The following AGL variants were observed in gnomAD, a reference collection of about 807,000 sequenced individuals.
The protein encoded by AGL is glycogen debranching enzyme.
In AGL, 128 loss-of-function variants were observed where a neutral mutation model predicts 199.3. The ratio of observed to expected loss-of-function variants is 0.64; its 90% CI spans 0.56 to 0.74. AGL has a LOEUF of 0.74. AGL is among the 30% of genes least tolerant of loss of function. The pLI, the probability that AGL is intolerant of heterozygous loss-of-function variation, is 0.00. For missense variants in AGL, 1,809 were observed against 1,820.8 expected (o/e 0.99, Z 0.12); for synonymous variants, 584 against 594.7 (o/e 0.98, Z 0.26).
intron 33 of AGL, 80 bp downstream of exon 33, chr1:99,916,811 G>T (rs1180994325): frequency 6.7e-7 from 1 of 1,502,964 alleles, no homozygotes; most frequent in African/African-American, 1.4e-5. Flanking sequence ...CAGTTTCTTA[G>T]AATTGATTTC....
intron 2 of AGL, chr1:99,861,108 C>T: frequency 2.2e-6 from 2 of 916,474 alleles, no homozygotes; most frequent in Non-Finnish European, 2.7e-6. Flanking sequence ...AACTAGCTTT[C>T]TCTGTTGCAG....
intron 7 of AGL, among the ~76,000 whole-genome samples, chr1:99,871,688 G>GT (rs1651030499): frequency 6.6e-6 from 1 of 152,060 alleles, no homozygotes; most frequent in African/African-American, 2.4e-5. Context: ...TTGCAATTGT[G>GT]TAACACCTTA....
chr1:99,906,288 A>G (rs1223394231), intron 27 of AGL, among the ~76,000 whole-genome samples: 2 of 152,330 alleles, frequency 1.3e-5, no homozygotes, highest in East Asian at 1.9e-4. Context: ...TTATCAATAC[A>G]TAAGAGTTGT....
Position 99,875,388 on chromosome 1 carries a change from T to G in AGL, c.1216T>G (p.Tyr406Asp). The G allele has an allele frequency of 6.2e-7, 1 of 1,614,186 alleles. No homozygotes were observed. The highest frequency in any genetic ancestry group is 8.5e-7 in the Non-Finnish European group (1 of 1,180,022). ...AVNCLLGNVF[Y>D]ERLAGHGPKL... is the part of the protein sequence containing the mutation. ...TAATTGCCTTTTGGGAAATGTGTTT[T>G]ATGAACGACTGGCTGGCCATGGTCC... The change falls in exon 10 of 34, where the codon TAT (tyrosine) becomes GAT (aspartate). Residue 406 changes from tyrosine (Y) to aspartate (D), a missense_variant. Transcript: ENST00000361915.
intron 17 of AGL, among the ~76,000 whole-genome samples, chr1:99,883,629 A>C (rs1018078793): frequency 1.6e-4 from 24 of 152,150 alleles, no homozygotes; most frequent in Non-Finnish European, 2.4e-4. Context: ...AAAATAATAT[A>C]TGTTGTTTAA....
At chr1:99,888,797 A>C (rs946603171) in intron 21 of AGL, among the ~76,000 whole-genome samples, 5 of 152,048 alleles carry the variant, frequency 3.3e-5, no homozygotes, top group Middle Eastern at 3.2e-3. Context: ...TCAACTCTTT[A>C]TTTCTTTCTC....
chr1:99,850,610 T>G (rs1356641347), intron 1 of AGL, 195 bp downstream of exon 1: 3 of 198,224 alleles, frequency 1.5e-5, no homozygotes, highest in Non-Finnish European at 3.1e-5. Flanking sequence ...TTGAGCAGAC[T>G]AATCTCTTGT....
chr1:99,912,557 A>G (rs1175220875), intron 29 of AGL, 40 bp downstream of exon 29: 4 of 1,376,724 alleles, frequency 2.9e-6, no homozygotes, highest in Non-Finnish European at 4.1e-6. Context: ...CTTCAAATGT[A>G]CTATGTATAT....
intron 33 of AGL, among the ~76,000 whole-genome samples, chr1:99,917,346 A>G (rs1324778456): frequency 6.6e-6 from 1 of 152,166 alleles, no homozygotes; most frequent in Non-Finnish European, 1.5e-5. Flanking sequence ...TTACAAGCAC[A>G]TAAGGGACTT....
chr1:99,869,376 A>G (rs915361151), intron 5 of AGL, among the ~76,000 whole-genome samples: 2 of 152,192 alleles, frequency 1.3e-5, no homozygotes, highest in Non-Finnish European at 2.9e-5. Flanking sequence ...TACTAAATAA[A>G]TGACTGAAAC....
At chr1:99,850,794 G>A (rs1648887027) in intron 1 of AGL, 181 bp from the exon 2 acceptor site, 3 of 501,612 alleles carry the variant, frequency 6.0e-6, no homozygotes, top group Non-Finnish European at 1.1e-5. Flanking sequence ...TATTCGTTGT[G>A]CTCAAAGGCA....
At chr1:99,879,795 T>A in intron 12 of AGL, 128 bp from the exon 13 acceptor site, 3 of 738,892 alleles carry the variant, frequency 4.1e-6, no homozygotes, top group Non-Finnish European at 7.2e-6. Context: ...TGTTTTGGTA[T>A]GTTTGATATC....
chr1:99,881,532 GCTT>G lies in AGL; in HGVS notation c.2158-6_2158-4del, dbSNP rs757783170. ...GAGAGCTAATCTAGTTGTTCTTTCT[GCTT>G]CTCAGGTGTATGTGGATCAAGTTGA... On this transcript the variant is annotated splice_polypyrimidine_tract_variant and splice_region_variant and intron_variant, in intron 16 of 33. Coordinates refer to ENST00000361915, the MANE Select transcript of AGL (RefSeq NM_000642.3). 2.5e-6 allele frequency: 4 copies of G among 1,613,936 alleles called. No individual in the cohort carries two copies. The South Asian group carries it at 4.4e-5, about 18-fold the overall frequency.
intron 26 of AGL, among the ~76,000 whole-genome samples, chr1:99,902,245 T>C (rs1293576452): frequency 6.6e-6 from 1 of 152,192 alleles, no homozygotes; most frequent in Non-Finnish European, 1.5e-5. Flanking sequence ...TGGGGTATTT[T>C]CCAAAGTCAT....
At position 99,861,716 on chromosome 1, in the gene AGL, A is replaced by G. The variant is rs375459662; in HGVS notation, c.293+3A>G. 1.4e-4 allele frequency: 228 copies of G among 1,613,324 alleles called. No individual in the cohort carries two copies. The highest frequency in any genetic ancestry group is 1.8e-4 in the Non-Finnish European group (207 of 1,179,632). On this transcript the variant is annotated splice_donor_region_variant and intron_variant, in intron 3 of 33. Coordinates refer to ENST00000361915, the MANE Select transcript of AGL (RefSeq NM_000642.3). ...TTTCAGTATTATTTCCTTCAAGGGT[A>G]AGTCAGGTGTTTTGTTTGTGAGAAA...
chr1:99,876,766 CA>C (rs912314321), intron 11 of AGL, among the ~76,000 whole-genome samples, 169 bp downstream of exon 11: 3 of 152,010 alleles, frequency 2.0e-5, no homozygotes, highest in Non-Finnish European at 4.4e-5. Context: ...ATGGAGCCAA[CA>C]AAAAAAGAAG....
chr1:99,894,269 TAC>T (rs1653136334), intron 24 of AGL, among the ~76,000 whole-genome samples: 1 of 152,204 alleles, frequency 6.6e-6, no homozygotes, highest in Non-Finnish European at 1.5e-5. Flanking sequence ...ATTAGTTGTG[TAC>T]TCTTAGAGGT....
At chr1:99,910,318 A>T (rs11166372) in intron 27 of AGL, among the ~76,000 whole-genome samples, 1,725 of 152,312 alleles carry the variant, frequency 0.011, 40 homozygotes, top group African/African-American at 0.039. Flanking sequence ...CCATTTTGAT[A>T]CATGTAAATC....
intron 24 of AGL, 28 bp from the exon 25 acceptor site, chr1:99,896,258 T>C (rs1653307197): frequency 1.3e-6 from 2 of 1,528,982 alleles, no homozygotes; most frequent in Non-Finnish European, 1.8e-6. Flanking sequence ...ATGATTAACA[T>C]ATTACTTTGT....
Sources: gnomAD v4.1 joint callset for allele counts (sites outside exome capture counted in the v4.1 genomes callset) on GRCh38, gnomAD v4.1.1 for gene constraint, MANE v1.5 for transcripts, NCBI Gene and HGNC (gene_info 2026-07-23, HGNC 2026-07-21) for gene names.